GLS: variants seen among roughly 807,000 people sequenced by gnomAD.
The protein encoded by GLS is glutaminase, also known as glutaminase kidney isoform, mitochondrial.
In GLS, 36 loss-of-function variants were observed where a neutral mutation model predicts 86.7. That is an observed-to-expected ratio of 0.42 (90% CI 0.32 to 0.55). The LOEUF is 0.55. Ranked by LOEUF, GLS falls within the 20% of genes least tolerant of loss-of-function variation. The pLI, the probability that GLS is intolerant of heterozygous loss-of-function variation, is 0.17. For synonymous variants in GLS, 317 were observed against 305.9 expected (o/e 1.04, Z -0.38); for missense variants, 528 against 833.4 (o/e 0.63, Z 4.51).
intron 7 of GLS, among the ~76,000 whole-genome samples, chr2:190,911,010 T>G (rs1689340971): frequency 6.6e-6 from 1 of 150,998 alleles, no homozygotes; most frequent in Non-Finnish European, 1.5e-5. Flanking sequence ...TTGAAAATGG[T>G]TCCTGTGTGA....
Position 190,964,505 on chromosome 2 carries a change from C to G in GLS, c.*1519C>G, listed in dbSNP as rs1441852164. ...CCTGATGGCACCTTACTCCAGCAGC[C>G]TCCAGGTGCTTTCATTTTCACTTCC... On this transcript the variant is annotated 3_prime_UTR_variant, in exon 18 of 18. Coordinates refer to ENST00000320717, the MANE Select transcript of GLS (RefSeq NM_014905.5). This position sits in a 1 kb window ranked among gnomAD's most constrained non-coding sequence, Gnocchi z 5.2. 6.6e-6 allele frequency: 1 copy of G among 152,194 alleles called. No individual in the cohort carries two copies. Among genetic ancestry groups the G allele is most frequent in the Non-Finnish European group, 1.5e-5 (1 of 68,034 alleles). 9.4% of individuals were successfully genotyped at this position (152,194 alleles called of 1,614,324 possible).
At chr2:190,950,609 G>T (rs1690695299) in intron 14 of GLS, among the ~76,000 whole-genome samples, 1 of 152,062 alleles carries the variant, frequency 6.6e-6, no homozygotes, top group Non-Finnish European at 1.5e-5. Context: ...AGCACCACTG[G>T]GTAAAGAAGC....
chr2:190,934,401 T>C (rs1026711736), intron 14 of GLS: 16 of 947,468 alleles, frequency 1.7e-5, no homozygotes, highest in Non-Finnish European at 2.0e-5. Context: ...AATTTATATA[T>C]TTAAATAATT....
intron 14 of GLS, among the ~76,000 whole-genome samples, chr2:190,945,959 A>G (rs915760592): frequency 6.6e-6 from 1 of 152,156 alleles, no homozygotes; most frequent in Non-Finnish European, 1.5e-5. Flanking sequence ...AACCCTCCGA[A>G]TCATATCAGT....
At chr2:190,904,756 T>C (rs763632541) in intron 5 of GLS, among the ~76,000 whole-genome samples, 7 of 152,168 alleles carry the variant, frequency 4.6e-5, no homozygotes, top group African/African-American at 7.2e-5. Flanking sequence ...GCAAATGCTA[T>C]ATCATTGTAT....
At chr2:190,961,271 C>T (rs1690994343) in intron 17 of GLS, among the ~76,000 whole-genome samples, 3 of 152,162 alleles carry the variant, frequency 2.0e-5, no homozygotes, top group Admixed American at 6.5e-5. Context: ...TGATCTCGTT[C>T]ACTGCAACCT....
chr2:190,900,571 C>A lies in GLS; in HGVS notation c.613C>A (p.Gln205Lys). The change falls in exon 4 of 18, where the codon CAG becomes AAG. Residue 205 changes from glutamine (Q) to lysine (K), a missense_variant. Transcript: ENST00000320717. ...LDKDLFKKCV[Q>K]SNIVLLTQAF... ...TCTTTTTACATTCTACAGATGTGTT[C>A]AGAGCAACATTGTTTTGTTGACACA... is the stretch of plus-strand genomic sequence containing the variant. 6.3e-7 allele frequency: 1 copy of A among 1,595,756 alleles called. No individual in the cohort carries two copies. Among genetic ancestry groups the A allele is most frequent in the South Asian group, 1.1e-5 (1 of 90,226 alleles).
At position 190,910,445 on chromosome 2, in the gene GLS, T is replaced by G. The variant is rs533014793; in HGVS notation, c.1038+124T>G. On this transcript the variant is annotated intron_variant, in intron 7 of 17. Transcript: ENST00000320717. ...AAATTTTCTCTTGGTGTTAAGAAAT[T>G]TGTCTTATGGTATAGTGTTAGGATC... 8 of 581,556 alleles carry G rather than the reference T, an allele frequency of 1.4e-5. No homozygotes were observed. In the East Asian group the frequency reaches 1.5e-4, roughly 11 times the overall value. The allele number at this position is 581,556 out of a possible 1,614,324, so 36.0% of individuals were successfully genotyped here.
rs771937711 is a variant in GLS, at chr2:190,954,719, A to C, written c.1790-36A>C. ...CCAGATTTAATTTCTACTTAGTACT[A>C]AAATCTGCTCTTTTTTTGGGGGTGG... On this transcript the variant is annotated intron_variant, in intron 16 of 17. Transcript: ENST00000320717. The surrounding 1 kb of genome is among the most constrained non-coding windows in gnomAD (Gnocchi z 4.0). The C allele has an allele frequency of 6.2e-7, 1 of 1,612,440 alleles. No homozygotes were observed. Among genetic ancestry groups the C allele is most frequent in the Non-Finnish European group, 8.5e-7 (1 of 1,178,516 alleles).
intron 3 of GLS, among the ~76,000 whole-genome samples, chr2:190,900,190 A>T (rs1317658301): frequency 6.6e-6 from 1 of 152,200 alleles, no homozygotes. Flanking sequence ...TGGTAAATAA[A>T]CAAGATCTCA....
rs3771304 is a variant in GLS, at chr2:190,953,101, T to A, written c.1651-464T>A. Among the ~76,000 whole-genome samples the A allele has an allele frequency of 0.086, 13,082 of 152,254 alleles. 1,074 individuals carry two copies. The highest frequency in any genetic ancestry group is 0.25 in the Admixed American group (3,825 of 15,284). ...GACAGTTAACACTGAATGTTCTCTC[T>A]TAAGATTTGCAAAGAAGCCAGTGAT... On this transcript the variant is annotated intron_variant, in intron 14 of 17. Transcript: ENST00000320717. This position sits in a 1 kb window ranked among gnomAD's most constrained non-coding sequence, Gnocchi z 4.0.
In GLS at chr2:190,881,249, C is replaced by A. The variant is rs2125967397; in HGVS notation, c.165C>A (p.His55Gln). 3 of 1,270,298 alleles carry A rather than the reference C, an allele frequency of 2.4e-6. No individual in the cohort carries two copies. The highest frequency in any genetic ancestry group is 3.0e-6 in the Non-Finnish European group (3 of 1,010,516). 78.7% of individuals were successfully genotyped at this position (1,270,298 alleles called of 1,614,324 possible). ...GCCCGGCTGCCGCCGCGCGACTCCACCCGTGGTGGGGCGGGGGCGGCTGGC... is the reference window on the plus strand; with the variant it reads ...GCCCGGCTGCCGCCGCGCGACTCCAACCGTGGTGGGGCGGGGGCGGCTGGC... Reference protein sequence around the residue: ...AAGPAAAARLHPWWGGGGWPA... With the variant: ...AAGPAAAARLQPWWGGGGWPA... The change falls in exon 1 of 18, where the codon CAC becomes CAA. Residue 55 changes from histidine to glutamine, a missense_variant. Coordinates refer to ENST00000320717, the MANE Select transcript of GLS (RefSeq NM_014905.5).
chr2:190,963,106 C>T lies in GLS; in HGVS notation c.*120C>T. On this transcript the variant is annotated 3_prime_UTR_variant, in exon 18 of 18. Coordinates refer to ENST00000320717, the MANE Select transcript of GLS (RefSeq NM_014905.5). Reference sequence around the variant, plus strand: ...TTTTACATTTGTCATTTCAGTGTTACTGGAGTTTTCTTCATTGTGCACACA... The same window carrying T: ...TTTTACATTTGTCATTTCAGTGTTATTGGAGTTTTCTTCATTGTGCACACA... 1 of 711,674 alleles carries T rather than the reference C, an allele frequency of 1.4e-6. No individual in the cohort carries two copies. The highest frequency in any genetic ancestry group is 2.2e-6 in the Non-Finnish European group (1 of 445,846). 44.1% of individuals were successfully genotyped at this position (711,674 alleles called of 1,614,324 possible).
In GLS at chr2:190,904,996, T is replaced by G; in HGVS notation, c.816-8T>G. ...GATGTTATTTTTTAAAAATCTCCTT[T>G]TAAATAGGCATTCTACTGGAGATAC... On this transcript the variant is annotated splice_polypyrimidine_tract_variant and splice_region_variant and intron_variant, in intron 5 of 17. Coordinates refer to ENST00000320717, the MANE Select transcript of GLS (RefSeq NM_014905.5). 1.3e-6 allele frequency: 2 copies of G among 1,526,328 alleles called. No homozygotes were observed. Among genetic ancestry groups the G allele is most frequent in the Non-Finnish European group, 1.8e-6 (2 of 1,107,754 alleles). The allele number at this position is 1,526,328 out of a possible 1,614,324, so 94.5% of individuals were successfully genotyped here.
chr2:190,915,552 A>G (rs966004370), intron 7 of GLS, among the ~76,000 whole-genome samples: 1 of 152,206 alleles, frequency 6.6e-6, no homozygotes, highest in African/African-American at 2.4e-5. Context: ...TTTGGATTCC[A>G]TACTTGGAAT....
At chr2:190,882,493 T>G (rs1688237260) in intron 1 of GLS, among the ~76,000 whole-genome samples, 1 of 152,240 alleles carries the variant, frequency 6.6e-6, no homozygotes, top group Non-Finnish European at 1.5e-5. Flanking sequence ...TTTCTGGCTT[T>G]GTACGCTGAC....
intron 11 of GLS, among the ~76,000 whole-genome samples, chr2:190,926,122 G>A (rs745453533): frequency 2.6e-5 from 4 of 152,156 alleles, no homozygotes; most frequent in Non-Finnish European, 5.9e-5. Context: ...AAATTGAACG[G>A]CCATTGAGAT....
In GLS at chr2:190,895,506, TAGA is replaced by T. The variant is rs1688702646; in HGVS notation, c.484-95_484-93del. The T allele has an allele frequency of 2.6e-5, 21 of 809,912 alleles. 1 individual carries two copies. The South Asian group carries it at 3.8e-4, about 15-fold the overall frequency. 50.2% of individuals were successfully genotyped at this position (809,912 alleles called of 1,614,324 possible). On this transcript the variant is annotated intron_variant, in intron 2 of 17. Coordinates refer to ENST00000320717, the MANE Select transcript of GLS (RefSeq NM_014905.5). This position sits in a 1 kb window ranked among gnomAD's most constrained non-coding sequence, Gnocchi z 4.2. ...GCCATATTCATGTTCAAGTGTTGGG[TAGA>T]AGTTTTTATATACAGGAATAAAATC...
chr2:190,923,442 A>G (rs917978062), intron 9 of GLS, among the ~76,000 whole-genome samples: 5 of 152,176 alleles, frequency 3.3e-5, no homozygotes, highest in African/African-American at 1.2e-4. Flanking sequence ...GCCAGTGCCT[A>G]GGCCTCACCC....
Sources: gnomAD v4.1 joint callset for allele counts (sites outside exome capture counted in the v4.1 genomes callset) on GRCh38, gnomAD v4.1.1 for gene constraint, Gnocchi (gnomAD v3.1) non-coding constraint, MANE v1.5 for transcripts, NCBI Gene and HGNC (gene_info 2026-07-23, HGNC 2026-07-21) for gene names.